KIF26B: variants seen among roughly 807,000 people sequenced by gnomAD.
KIF26B encodes kinesin family member 26B.
Under a neutral mutation model 151.2 loss-of-function variants are expected in KIF26B, and 63 were observed. The ratio of observed to expected loss-of-function variants is 0.42; its 90% CI spans 0.34 to 0.51. KIF26B has a LOEUF of 0.51. KIF26B is among the 20% of genes least tolerant of loss of function. The pLI is 0.07. For missense variants in KIF26B, 2,813 were observed against 2,913.6 expected (o/e 0.97, Z 0.79); for synonymous variants, 1,357 against 1,262.1 (o/e 1.08, Z -1.59).
chr1:245,187,364 T>C (rs1014481259), intron 2 of KIF26B, among the ~76,000 whole-genome samples: 3 of 152,110 alleles, frequency 2.0e-5, no homozygotes, highest in African/African-American at 7.2e-5. Context: ...ATGGGGCAGG[T>C]TGATGAGGAA....
Position 245,586,945 on chromosome 1 carries a change from C to T in KIF26B, c.1351-15632C>T, listed in dbSNP as rs75166894. 4.3e-3 allele frequency among the ~76,000 whole-genome samples: 647 copies of T among 152,028 alleles called. 7 individuals carry two copies. The highest frequency in any genetic ancestry group is 0.015 in the African/African-American group (611 of 41,470). On this transcript the variant is annotated intron_variant, in intron 5 of 14. Coordinates refer to ENST00000407071, the MANE Select transcript of KIF26B (RefSeq NM_018012.4). ...TACTCACTGAGCCCTTCCCACGTGC[C>T]GGGCTATTTGCCGAGAACTTCTCAT...
At chr1:245,390,175 GTT>G (rs61383926) in intron 3 of KIF26B, among the ~76,000 whole-genome samples, 52 of 146,934 alleles carry the variant, frequency 3.5e-4, no homozygotes, top group African/African-American at 1.2e-3. Context: ...TATTTGGAGG[GTT>G]TTTTTTTTTT....
At chr1:245,445,422 G>A (rs932245138) in intron 4 of KIF26B, among the ~76,000 whole-genome samples, 1 of 152,186 alleles carries the variant, frequency 6.6e-6, no homozygotes, top group Non-Finnish European at 1.5e-5. Flanking sequence ...CAGATGAAAT[G>A]CTATGATTAT....
intron 2 of KIF26B, among the ~76,000 whole-genome samples, chr1:245,334,404 T>C (rs1364420738): frequency 6.6e-6 from 1 of 152,222 alleles, no homozygotes; most frequent in Non-Finnish European, 1.5e-5. Context: ...CTTCATTTCT[T>C]TGCCTTCAAA....
chr1:245,544,498 G>A (rs1290357714), intron 5 of KIF26B, among the ~76,000 whole-genome samples: 1 of 152,158 alleles, frequency 6.6e-6, no homozygotes, highest in Non-Finnish European at 1.5e-5. Context: ...TTCCTCCATA[G>A]GAACAGATTT....
chr1:245,475,679 A>G (rs1435207027), intron 4 of KIF26B, among the ~76,000 whole-genome samples: 1 of 151,934 alleles, frequency 6.6e-6, no homozygotes, highest in Non-Finnish European at 1.5e-5. Context: ...AAATGCAAAT[A>G]AAAACCACAA....
chr1:245,686,654 C>T lies in KIF26B; in HGVS notation c.3671C>T (p.Ser1224Leu), dbSNP rs369470713. Residue 1224 changes from serine to leucine, a missense_variant, in exon 12 of 15, where the codon TCG becomes TTG. By Grantham distance (145) the Ser-to-Leu change is moderately radical (BLOSUM62 -2). Around this residue, in one of 3 missense-constraint regions of KIF26B, gnomAD observed 2,060 missense variants for 2,088.6 expected, o/e 0.99. Transcript: ENST00000407071. The surrounding 1 kb of genome is among the most constrained non-coding windows in gnomAD (Gnocchi z 5.6). The stretch of plus-strand genomic sequence containing the variant: ...GACTGCTCTGCACGGGCCCTGGCCT[C>T]GGGCTCGCGGCCCGTCAGCATCATC... Reference protein sequence around the residue: ...NSDCSARALASGSRPVSIISS... With the variant: ...NSDCSARALALGSRPVSIISS... The T allele has an allele frequency of 1.2e-5, 19 of 1,610,834 alleles. No homozygotes were observed. Among genetic ancestry groups the T allele is most frequent in the Admixed American group, 5.0e-5 (3 of 59,680 alleles).
Position 245,686,478 on chromosome 1 carries a change from G to T in KIF26B, c.3495G>T (p.Lys1165Asn). Reference protein sequence around the residue: ...EQQAATPSESKKEILSTTMVT... With the variant: ...EQQAATPSESNKEILSTTMVT... ...AGGCAGCTACTCCTTCAGAGTCCAA[G>T]AAGGAGATCCTGAGCACCACGATGG... Residue 1165 changes from lysine to asparagine, a missense_variant, in exon 12 of 15, where the codon AAG becomes AAT. Transcript: ENST00000407071. The surrounding 1 kb of genome is among the most constrained non-coding windows in gnomAD (Gnocchi z 5.6). The T allele has an allele frequency of 1.2e-6, 2 of 1,613,190 alleles. No homozygotes were observed. Among genetic ancestry groups the T allele is most frequent in the Non-Finnish European group, 1.7e-6 (2 of 1,179,886 alleles).
Position 245,367,644 on chromosome 1 carries a change from G to A in KIF26B, c.999+277G>A, listed in dbSNP as rs903923364. ...CCTCTTTGTGTAAGAGGTCCTTGCT[G>A]GTCCAGGTGATGCCAGCGACTTCCC... On this transcript the variant is annotated intron_variant, in intron 3 of 14. Coordinates refer to ENST00000407071, the MANE Select transcript of KIF26B (RefSeq NM_018012.4). This position sits in a 1 kb window ranked among gnomAD's most constrained non-coding sequence, Gnocchi z 4.2. Among the ~76,000 whole-genome samples the A allele has an allele frequency of 6.6e-6, 1 of 152,336 alleles. No homozygotes were observed. The highest frequency in any genetic ancestry group is 1.9e-4 in the East Asian group (1 of 5,182).
In KIF26B at chr1:245,688,101, G is replaced by A. The variant is rs745777394; in HGVS notation, c.5118G>A (p.Ala1706=). 18 of 1,555,470 alleles carry A rather than the reference G, an allele frequency of 1.2e-5. No individual in the cohort carries two copies. In the South Asian group the frequency reaches 1.2e-4, roughly 10 times the overall value. ...GCAAGGACGGCACCATGCCCCGCGC[G>A]GGGAGGAGCCTGGGCCGCAGCGCCG... is the stretch of plus-strand genomic sequence containing the variant. The part of the protein sequence containing the change: ...HAGKDGTMPR[A]GRSLGRSAGT... Residue 1706 remains alanine, a synonymous_variant, in exon 12 of 15, where the codon GCG becomes GCA. Transcript: ENST00000407071.
chr1:245,204,233 G>A (rs1226264344), intron 2 of KIF26B, among the ~76,000 whole-genome samples: 1 of 152,160 alleles, frequency 6.6e-6, no homozygotes, highest in African/African-American at 2.4e-5. Flanking sequence ...AAATGAAAAC[G>A]GCACTGGGGC....
chr1:245,695,344 ACCACATTACCCCTGCC>A (rs2044678168), intron 12 of KIF26B, among the ~76,000 whole-genome samples: 1 of 151,962 alleles, frequency 6.6e-6, no homozygotes, highest in Non-Finnish European at 1.5e-5. Flanking sequence ...CCTCAGCCTG[ACCACATTACCCCTGCC>A]CCAGTACTTG....
chr1:245,590,248 G>A (rs1247944836), intron 5 of KIF26B, among the ~76,000 whole-genome samples: 1 of 151,272 alleles, frequency 6.6e-6, no homozygotes, highest in Admixed American at 6.6e-5. Flanking sequence ...GCACCGTGCC[G>A]CGCATGCGCA....
chr1:245,504,810 C>T (rs1442101079), intron 4 of KIF26B, among the ~76,000 whole-genome samples: 3 of 151,970 alleles, frequency 2.0e-5, no homozygotes, highest in Non-Finnish European at 4.4e-5. Flanking sequence ...TCTGTCTCCT[C>T]GTAGAAAGCA....
intron 2 of KIF26B, among the ~76,000 whole-genome samples, chr1:245,323,731 G>A (rs752607407): frequency 1.2e-4 from 19 of 152,200 alleles, no homozygotes; most frequent in Non-Finnish European, 1.8e-4. Context: ...CTAATTAATC[G>A]ACCCATCTAT....
rs2044580083 is a variant in KIF26B, at chr1:245,688,821, C to T, written c.5824+14C>T. ...GCTCCAATCCAGGTAGGCGGCTGGGCGCAGGGACGCGGGTGAGGAGGGCGG... is the reference window on the plus strand; with the variant it reads ...GCTCCAATCCAGGTAGGCGGCTGGGTGCAGGGACGCGGGTGAGGAGGGCGG... On this transcript the variant is annotated intron_variant, in intron 12 of 14. Coordinates refer to ENST00000407071, the MANE Select transcript of KIF26B (RefSeq NM_018012.4). The T allele has an allele frequency of 1.2e-5, 18 of 1,553,470 alleles. No homozygotes were observed. The highest frequency in any genetic ancestry group is 1.5e-5 in the Non-Finnish European group (17 of 1,146,998).
chr1:245,338,984 G>GT (rs200327162), intron 2 of KIF26B, among the ~76,000 whole-genome samples: 2,829 of 140,936 alleles, frequency 0.02, 84 homozygotes, highest in African/African-American at 0.066. Context: ...TGCTTTTAGG[G>GT]TTTTTTTTTT....
intron 10 of KIF26B, among the ~76,000 whole-genome samples, chr1:245,680,291 CA>C (rs1220787943): frequency 6.6e-6 from 1 of 152,166 alleles, no homozygotes; most frequent in East Asian, 1.9e-4. Context: ...CCCCAAAGGA[CA>C]TCTTTTAGAG....
intron 4 of KIF26B, among the ~76,000 whole-genome samples, chr1:245,445,480 G>A (rs114413910): frequency 0.021 from 3,196 of 152,314 alleles, 59 homozygotes; most frequent in Non-Finnish European, 0.034. Flanking sequence ...GTGCGTGCGC[G>A]TGTGTATGTG....
Sources: gnomAD v4.1 joint callset for allele counts (sites outside exome capture counted in the v4.1 genomes callset) on GRCh38, gnomAD v4.1.1 for gene constraint, gnomAD v4.1.1 regional missense constraint, Gnocchi (gnomAD v3.1) non-coding constraint, MANE v1.5 for transcripts, NCBI Gene and HGNC (gene_info 2026-07-23, HGNC 2026-07-21) for gene names.